ZNF639: variants seen among roughly 807,000 people sequenced by gnomAD.
ZNF639 encodes zinc finger protein 639, also known as zinc finger amplified in esophageal squamous cell carcinomas 1.
Under a neutral mutation model 39.8 loss-of-function variants are expected in ZNF639, and 20 were observed. The observed-to-expected ratio is 0.50, with a 90% CI of 0.35 to 0.73. The LOEUF is 0.73. ZNF639 is among the 30% of genes least tolerant of loss of function. The pLI is 0.00. For missense variants in ZNF639, 477 were observed against 566.2 expected (o/e 0.84, Z 1.60); for synonymous variants, 176 against 189.8 (o/e 0.93, Z 0.60).
rs1728049025 is a variant in ZNF639 at position 179,333,670 on chromosome 3, C to T, written c.706C>T (p.Arg236Ter). Residue 236 changes from arginine (R) to a stop codon, truncating the protein, a stop_gained, in exon 6 of 6, where the codon CGA becomes TGA. Coordinates refer to ENST00000496856, the MANE Select transcript of ZNF639 (RefSeq NM_001303426.2). LOFTEE classifies it high-confidence loss of function. ...TAAACGTACTGATTCAAATGTGTGT[C>T]GAGTATGCAAGGAAAGTTTCTCTAC... The part of the protein sequence containing the change: ...KHKRTDSNVC[R>*]VCKESFSTNM... The T allele has an allele frequency of 6.2e-7, 1 of 1,614,078 alleles. No individual in the cohort carries two copies. The highest frequency in any genetic ancestry group is 1.1e-5 in the South Asian group (1 of 91,056).
chr3:179,330,577 C>T (rs1727851772), intron 4 of ZNF639, among the ~76,000 whole-genome samples: 1 of 152,236 alleles, frequency 6.6e-6, no homozygotes, highest in Non-Finnish European at 1.5e-5. Flanking sequence ...TGAGCCACGG[C>T]TCTCAGCCCT....
At position 179,334,432 on chromosome 3, in the gene ZNF639, T is replaced by G. The variant is rs1728105798; in HGVS notation, c.*10T>G. 1 of 1,499,482 alleles carries G rather than the reference T, an allele frequency of 6.7e-7. No individual in the cohort carries two copies. Among genetic ancestry groups the G allele is most frequent in the African/African-American group, 1.4e-5 (1 of 71,322 alleles). 92.9% of individuals were successfully genotyped at this position (1,499,482 alleles called of 1,614,324 possible). ...CCATGAGACAACTTGATTATTCTCTTTAACTTACAGAATGTTAGTTTAAAA... is the reference window on the plus strand; with the variant it reads ...CCATGAGACAACTTGATTATTCTCTGTAACTTACAGAATGTTAGTTTAAAA... On this transcript the variant is annotated 3_prime_UTR_variant, in exon 6 of 6. Transcript: ENST00000496856.
At chr3:179,331,775 C>CAAAAA (rs56708873) in intron 4 of ZNF639, among the ~76,000 whole-genome samples, 9 of 80,532 alleles carry the variant, frequency 1.1e-4, no homozygotes, top group East Asian at 3.6e-4. Context: ...AACTCCATCT[C>CAAAAA]AAAAAAAAAA....
At chr3:179,322,967 T>C, upstream of ZNF639, 1 of 984,874 alleles carries the variant, frequency 1.0e-6, no homozygotes, top group Non-Finnish European at 1.2e-6. Flanking sequence ...TGCGGTGCGT[T>C]CGCGCAGCCC....
In ZNF639 at chr3:179,323,109, G is replaced by C. The variant is rs1277587105; in HGVS notation, c.-265G>C. The stretch of plus-strand genomic sequence containing the variant: ...GCCTAGGCCAGGGGCCTGGCGCTCA[G>C]GGCGTGGGGCGCGCGGGGAGGGAGA... On this transcript the variant is annotated 5_prime_UTR_variant, in exon 1 of 6. Transcript: ENST00000496856. 1 of 984,782 alleles carries C rather than the reference G, an allele frequency of 1.0e-6. No homozygotes were observed. Among genetic ancestry groups the C allele is most frequent in the Non-Finnish European group, 1.2e-6 (1 of 829,896 alleles). The allele number at this position is 984,782 out of a possible 1,614,324, so 61.0% of individuals were successfully genotyped here.
chr3:179,332,941 G>A (rs1334665007), intron 4 of ZNF639, 48 bp from the exon 5 acceptor site: 1 of 1,497,080 alleles, frequency 6.7e-7, no homozygotes, highest in Non-Finnish European at 8.9e-7. Context: ...TATAATTAAT[G>A]CTTTGATTGT....
rs1462038083 is a variant in ZNF639, at chr3:179,338,111, A to G, written c.*3689A>G. 1 of 152,056 alleles carries G rather than the reference A, an allele frequency of 6.6e-6. No individual in the cohort carries two copies. Among genetic ancestry groups the G allele is most frequent in the Non-Finnish European group, 1.5e-5 (1 of 68,012 alleles). 9.4% of individuals were successfully genotyped at this position (152,056 alleles called of 1,614,324 possible). ...GAACTTCAGAAAAACAAACCTACCT[A>G]AAAAAATTAACACTCCTGGTTTTGT... On this transcript the variant is annotated 3_prime_UTR_variant, in exon 6 of 6. Coordinates refer to ENST00000496856, the MANE Select transcript of ZNF639 (RefSeq NM_001303426.2).
Position 179,323,212 on chromosome 3 carries a change from C to G in ZNF639, c.-162C>G. The G allele has an allele frequency of 1.0e-6, 1 of 985,026 alleles. No individual in the cohort carries two copies. The allele number at this position is 985,026 out of a possible 1,614,324, so 61.0% of individuals were successfully genotyped here. A position where few individuals can be genotyped will look rare whatever the true frequency, so the allele number is the denominator to read the frequency against. On this transcript the variant is annotated 5_prime_UTR_variant, in exon 1 of 6. Coordinates refer to ENST00000496856, the MANE Select transcript of ZNF639 (RefSeq NM_001303426.2). ...CGCCGCCGTGCGTCCGCGGGAAGGA[C>G]CGCGCGGCCCCTCCGCCTGCGCTCT...
intron 2 of ZNF639, 52 bp from the exon 3 acceptor site, chr3:179,328,231 C>A: frequency 9.7e-7 from 1 of 1,036,152 alleles, no homozygotes; most frequent in Non-Finnish European, 1.4e-6. Context: ...TTTATAACGT[C>A]ATTAACAGTT....
rs1259063793 is a variant in ZNF639 at position 179,336,534 on chromosome 3, G to A, written c.*2112G>A. On this transcript the variant is annotated 3_prime_UTR_variant, in exon 6 of 6. Transcript: ENST00000496856. Reference sequence around the variant, plus strand: ...ATCTAATTATAACATTCCTGTTACGGCTGATAACAAATGTTTCTCAGAAGA... The same window carrying A: ...ATCTAATTATAACATTCCTGTTACGACTGATAACAAATGTTTCTCAGAAGA... The A allele has an allele frequency of 6.6e-6, 1 of 152,300 alleles. No individual in the cohort carries two copies. The highest frequency in any genetic ancestry group is 2.4e-5 in the African/African-American group (1 of 41,564). 9.4% of individuals were successfully genotyped at this position (152,300 alleles called of 1,614,324 possible). A position where few individuals can be genotyped will look rare whatever the true frequency, so the allele number is the denominator to read the frequency against.
At chr3:179,324,684 G>C (rs1402677810) in intron 1 of ZNF639, among the ~76,000 whole-genome samples, 1 of 152,182 alleles carries the variant, frequency 6.6e-6, no homozygotes, top group Non-Finnish European at 1.5e-5. Flanking sequence ...TGATCCGTGT[G>C]CCTCCTCCTC....
At chr3:179,322,896 G>C (rs374184331), upstream of ZNF639, 17 of 985,288 alleles carry the variant, frequency 1.7e-5, 2 homozygotes, top group South Asian at 1.4e-4. Context: ...CTCCGGCAGG[G>C]GGCGCGGGCC....
chr3:179,324,177 C>T (rs765663554), intron 1 of ZNF639, among the ~76,000 whole-genome samples: 1 of 152,126 alleles, frequency 6.6e-6, no homozygotes, highest in African/African-American at 2.4e-5. Context: ...ACTGTAAAGA[C>T]GTCTTACAGC....
intron 1 of ZNF639, among the ~76,000 whole-genome samples, chr3:179,324,461 T>TA (rs1298737220): frequency 6.6e-6 from 1 of 152,224 alleles, no homozygotes; most frequent in Non-Finnish European, 1.5e-5. Flanking sequence ...ATCTTCCTGC[T>TA]AAGAAGACTA....
chr3:179,322,923 G>C, upstream of ZNF639: 1 of 985,024 alleles, frequency 1.0e-6, no homozygotes, highest in Non-Finnish European at 1.2e-6. Context: ...CCTCCCCCGG[G>C]GCTGCGGGCC....
At position 179,333,875 on chromosome 3, in the gene ZNF639, TCTAC is replaced by T; in HGVS notation, c.916_919del (p.Leu306IlefsTer31). The T allele has an allele frequency of 6.2e-7, 1 of 1,614,210 alleles. No homozygotes were observed. The highest frequency in any genetic ancestry group is 8.5e-7 in the Non-Finnish European group (1 of 1,180,034). On this transcript the variant is annotated frameshift_variant, in exon 6 of 6. Coordinates refer to ENST00000496856, the MANE Select transcript of ZNF639 (RefSeq NM_001303426.2). LOFTEE classifies it high-confidence loss of function. Reference sequence around the variant, plus strand: ...GTACAGTTCTCCTCAAGCAGTGAACTCTACCTACATTTCCAGGAGCACAGCTGTG... The same window carrying T: ...GTACAGTTCTCCTCAAGCAGTGAACTCTACATTTCCAGGAGCACAGCTGTG...
At position 179,330,836 on chromosome 3, in the gene ZNF639, T is replaced by C. The variant is rs140299988; in HGVS notation, c.169+1108T>C. On this transcript the variant is annotated intron_variant, in intron 4 of 5. Transcript: ENST00000496856. ...CACTTAAGTTAGAGAGTTAGAGACA[T>C]CGGTATGAATTCCTGTTTAGCTTAC... 2.7e-3 allele frequency among the ~76,000 whole-genome samples: 414 copies of C among 152,356 alleles called. 2 individuals are homozygous for C. Among genetic ancestry groups the C allele is most frequent in the African/African-American group, 9.4e-3 (390 of 41,586 alleles).
At chr3:179,329,326 A>G (rs1727773192) in intron 3 of ZNF639, among the ~76,000 whole-genome samples, 1 of 152,222 alleles carries the variant, frequency 6.6e-6, no homozygotes, top group Non-Finnish European at 1.5e-5. Flanking sequence ...TGTGCAGTTA[A>G]TACAGTGTTT....
In ZNF639 at chr3:179,332,990, T is replaced by C; in HGVS notation, c.171T>C (p.Asp57=). 1 of 1,545,864 alleles carries C rather than the reference T, an allele frequency of 6.5e-7. No individual in the cohort carries two copies. Among genetic ancestry groups the C allele is most frequent in the Non-Finnish European group, 8.7e-7 (1 of 1,145,680 alleles). ...QPDLKYFDNK[D]DDSDTETSND... is the part of the protein sequence containing the mutation. ...ATTCTTCCAAATCCCTTTTTACAGA[T>C]GATGATTCTGATACCGAGACGTCAA... The change falls in exon 5 of 6, where the codon GAT becomes GAC. Residue 57 remains aspartate, a splice_region_variant and synonymous_variant. Coordinates refer to ENST00000496856, the MANE Select transcript of ZNF639 (RefSeq NM_001303426.2).
Sources: allele counts gnomAD v4.1 joint callset (sites outside exome capture counted in the v4.1 genomes callset), GRCh38; gene constraint gnomAD v4.1.1; transcripts MANE v1.5; gene names NCBI Gene and HGNC (gene_info 2026-07-23, HGNC 2026-07-21).